ESR2: variants seen among roughly 807,000 people sequenced by gnomAD.
ESR2 encodes the protein estrogen receptor beta.
A neutral mutation model predicts 49.6 loss-of-function variants in ESR2; 36 were observed. The observed-to-expected ratio is 0.73, with a 90% CI of 0.56 to 0.96. The LOEUF (loss-of-function observed/expected upper bound fraction) is 0.96, where lower values mean the gene tolerates loss of function less well. ESR2 is among the 40% of genes least tolerant of loss of function. The probability of loss-of-function intolerance (pLI) is 0.00; values close to 1 mark genes in which losing one functional copy is unlikely to be tolerated. For missense variants in ESR2, 714 were observed against 693.0 expected (o/e 1.03, Z -0.34); for synonymous variants, 320 against 266.1 (o/e 1.20, Z -1.97).
At chr14:64,306,524 C>T (rs1301435346) in intron 1 of ESR2, among the ~76,000 whole-genome samples, 4 of 152,136 alleles carry the variant, frequency 2.6e-5, no homozygotes, top group Non-Finnish European at 4.4e-5. Context: ...TTGTCAAACA[C>T]TTTTGGTGGA....
At chr14:64,260,063 G>A (rs1760671356) in intron 5 of ESR2, 2 of 462,528 alleles carry the variant, frequency 4.3e-6, no homozygotes, top group African/African-American at 4.0e-5. Context: ...GGCATGAGAG[G>A]TGGCCAACAG....
At chr14:64,271,877 A>T (rs1365546955) in intron 3 of ESR2, among the ~76,000 whole-genome samples, 1 of 152,228 alleles carries the variant, frequency 6.6e-6, no homozygotes, top group Non-Finnish European at 1.5e-5. Context: ...GACTGCAGAC[A>T]TCTCTTCGAT....
At chr14:64,271,478 G>A (rs996717172) in intron 3 of ESR2, among the ~76,000 whole-genome samples, 8 of 152,042 alleles carry the variant, frequency 5.3e-5, no homozygotes, top group African/African-American at 1.2e-4. Context: ...GGCGCATGCC[G>A]CCACACCCAG....
chr14:64,315,506 G>T lies in ESR2; in HGVS notation c.-91+22392C>A, dbSNP rs569252218. Among the ~76,000 whole-genome samples, 8 of 151,536 alleles carry T rather than the reference G, an allele frequency of 5.3e-5. No homozygotes were observed. In the South Asian group the frequency reaches 6.3e-4, roughly 12 times the overall value. On this transcript the variant is annotated intron_variant, in intron 1 of 8. Coordinates refer to the ESR2 transcript ENST00000358599. ...ATTTATTTTTTTGAGACAGAGTCTC[G>T]CTCTGTTGCCCAGGCTGGAGTGCAG... is the stretch of plus-strand genomic sequence containing the variant.
chr14:64,290,595 G>T (rs548285688), intron 1 of ESR2, among the ~76,000 whole-genome samples: 3 of 151,892 alleles, frequency 2.0e-5, no homozygotes, highest in South Asian at 4.2e-4. Context: ...ACAGAGACAA[G>T]GTTTCATTAT....
At chr14:64,245,021 C>T (rs549306100) in intron 7 of ESR2, among the ~76,000 whole-genome samples, 2 of 152,082 alleles carry the variant, frequency 1.3e-5, no homozygotes, top group South Asian at 2.1e-4. Context: ...AATTTTAAGG[C>T]GGGGAGGCAG....
In ESR2 at chr14:64,280,075, G is replaced by A; in HGVS notation, c.441C>T (p.His147=). The change falls in exon 3 of 9, where the codon CAC becomes CAT. Residue 147 remains histidine, a synonymous_variant. Transcript: ENST00000341099. ...CGTAATCGCTGCAGACAGCGCAGAA[G>A]TGAGCATCCCTCTTTGAACCTGGAC... ...VTGPGSKRDA[H]FCAVCSDYAS... is the part of the protein sequence containing the mutation. 6.2e-7 allele frequency: 1 copy of A among 1,614,136 alleles called. No individual in the cohort carries two copies. Among genetic ancestry groups the A allele is most frequent in the African/African-American group, 1.3e-5 (1 of 75,064 alleles).
intron 1 of ESR2, among the ~76,000 whole-genome samples, chr14:64,334,567 G>A (rs974564281): frequency 6.6e-6 from 1 of 152,236 alleles, no homozygotes; most frequent in African/African-American, 2.4e-5. Flanking sequence ...ACACATAGAA[G>A]CAAGTCACTA....
chr14:64,282,760 G>A lies in ESR2; in HGVS notation c.226C>T (p.Pro76Ser). 1 of 1,614,204 alleles carries A rather than the reference G, an allele frequency of 6.2e-7. No individual in the cohort carries two copies. Among genetic ancestry groups the A allele is most frequent in the East Asian group, 2.2e-5 (1 of 44,876 alleles). Reference sequence around the variant, plus strand: ...CCAGGTGTTGGCCACAACACATTTGGGCTTGTGGTCTGCCGACCAGGCCCA... The same window carrying A: ...CCAGGTGTTGGCCACAACACATTTGAGCTTGTGGTCTGCCGACCAGGCCCA... ...EGGPGRQTTS[P>S]NVLWPTPGHL... is the part of the protein sequence containing the mutation. The change falls in exon 2 of 9, where the codon CCA (proline) becomes TCA (serine). Residue 76 changes from proline to serine, a missense_variant. Pro to Ser is a moderately conservative substitution (Grantham distance 74, BLOSUM62 -1). Coordinates refer to ENST00000341099, the MANE Select transcript of ESR2 (RefSeq NM_001437.3).
At chr14:64,240,862 TG>T (rs2140641695) in intron 7 of ESR2, among the ~76,000 whole-genome samples, 1 of 152,260 alleles carries the variant, frequency 6.6e-6, no homozygotes, top group East Asian at 1.9e-4. Flanking sequence ...TAGGCTAGGC[TG>T]GCCGGGCGCG....
rs1395957178 is a variant in ESR2, at chr14:64,230,094, C to A, written c.*3043G>T. On this transcript the variant is annotated 3_prime_UTR_variant, in exon 9 of 9. Transcript: ENST00000341099. ...AGGGCGGGAATGGGGTGGGATGGGG[C>A]ACTGTGGTGGGAGGATCGCTTGAGC... Among the ~76,000 whole-genome samples the A allele has an allele frequency of 6.6e-6, 1 of 150,872 alleles. No individual in the cohort carries two copies. Among genetic ancestry groups the A allele is most frequent in the Admixed American group, 6.6e-5 (1 of 15,124 alleles).
chr14:64,292,699 A>G (rs1458325316), intron 1 of ESR2, among the ~76,000 whole-genome samples: 1 of 152,192 alleles, frequency 6.6e-6, no homozygotes, highest in Non-Finnish European at 1.5e-5. Flanking sequence ...TGAATTTTGA[A>G]TTATTATGTG....
intron 6 of ESR2, among the ~76,000 whole-genome samples, chr14:64,254,199 T>C (rs1461899942): frequency 6.6e-6 from 1 of 152,162 alleles, no homozygotes; most frequent in Non-Finnish European, 1.5e-5. Flanking sequence ...ATATTACCAC[T>C]TGAAGAAGCT....
intron 1 of ESR2, among the ~76,000 whole-genome samples, chr14:64,334,602 G>T (rs1388382181): frequency 6.6e-6 from 1 of 152,200 alleles, no homozygotes; most frequent in Non-Finnish European, 1.5e-5. Context: ...TCAAGAAGAG[G>T]AGAATTAGCC....
upstream of ESR2, among the ~76,000 whole-genome samples, chr14:64,295,213 C>A (rs1211241414): frequency 1.3e-5 from 2 of 152,170 alleles, no homozygotes; most frequent in Non-Finnish European, 2.9e-5. Context: ...CCCAGTGTCA[C>A]ATCTGTGCCT....
At chr14:64,317,325 T>C (rs2077267749) in intron 1 of ESR2, among the ~76,000 whole-genome samples, 1 of 152,162 alleles carries the variant, frequency 6.6e-6, no homozygotes, top group African/African-American at 2.4e-5. Context: ...ATAGGTTTAA[T>C]TGTCTCATAG....
In ESR2 at chr14:64,283,002, T is replaced by A. The variant is rs989116416; in HGVS notation, c.-17A>T. 1 of 1,599,982 alleles carries A rather than the reference T, an allele frequency of 6.3e-7. No individual in the cohort carries two copies. Among genetic ancestry groups the A allele is most frequent in the African/African-American group, 1.3e-5 (1 of 74,596 alleles). On this transcript the variant is annotated 5_prime_UTR_variant, in exon 2 of 9. Transcript: ENST00000341099. ...TATATCCATGTCTTGAGATAACAGC[T>A]GAGAAAACACCTTGCAAGAAGAGGC...
chr14:64,255,846 T>TG (rs1350579264), intron 6 of ESR2, among the ~76,000 whole-genome samples: 1 of 152,244 alleles, frequency 6.6e-6, no homozygotes, highest in Non-Finnish European at 1.5e-5. Context: ...CACCTGGGCT[T>TG]GCTCCTGTTC....
At chr14:64,292,370 T>C (rs1463506408) in intron 1 of ESR2, among the ~76,000 whole-genome samples, 2 of 152,170 alleles carry the variant, frequency 1.3e-5, no homozygotes, top group African/African-American at 4.8e-5. Flanking sequence ...AATGGAACTG[T>C]TCTGTGTCAT....
Sources: gnomAD v4.1 joint callset for allele counts (sites outside exome capture counted in the v4.1 genomes callset) on GRCh38, gnomAD v4.1.1 for gene constraint, MANE v1.5 for transcripts, NCBI Gene and HGNC (gene_info 2026-07-23, HGNC 2026-07-21) for gene names.